Variants in PRKG1 observed in about 807,000 individuals in gnomAD.
PRKG1 encodes protein kinase cGMP-dependent 1, also known as cGMP-dependent protein kinase 1.
PRKG1 carries 35 observed loss-of-function variants against 88.1 expected under a neutral mutation model. The observed-to-expected ratio is 0.40, with a 90% CI of 0.30 to 0.53. The LOEUF is 0.53. Ranked by LOEUF, PRKG1 falls within the 20% of genes least tolerant of loss-of-function variation. The probability of loss-of-function intolerance (pLI) is 0.59; values close to 1 mark genes in which losing one functional copy is unlikely to be tolerated. For synonymous variants in PRKG1, 303 were observed against 292.5 expected (o/e 1.04, Z -0.37); for missense variants, 540 against 839.8 (o/e 0.64, Z 4.41).
chr10:51,449,823 A>AT (rs1469412523), intron 2 of PRKG1, among the ~76,000 whole-genome samples: 1 of 151,444 alleles, frequency 6.6e-6, no homozygotes, highest in Non-Finnish European at 1.5e-5. Context: ...TGGAAGTAGA[A>AT]TGCAAATTCC....
chr10:51,970,357 CT>C (rs2133088530), intron 5 of PRKG1, among the ~76,000 whole-genome samples: 1 of 151,750 alleles, frequency 6.6e-6, no homozygotes, highest in African/African-American at 2.4e-5. Flanking sequence ...TGTCATGTCT[CT>C]TTAACCTCTT....
At chr10:50,998,461 G>C (rs10761662) in intron 1 of PRKG1, among the ~76,000 whole-genome samples, 136,072 of 152,288 alleles carry the variant, frequency 0.89, 60,936 homozygotes, top group African/African-American at 0.95. Flanking sequence ...AAAATACATG[G>C]TTTAGGCTGG....
intron 2 of PRKG1, among the ~76,000 whole-genome samples, chr10:51,314,138 G>A (rs558046594): frequency 6.6e-5 from 10 of 152,278 alleles, no homozygotes; most frequent in African/African-American, 2.2e-4. Flanking sequence ...GTACATGTAT[G>A]TACATATTTA....
chr10:51,416,508 A>T (rs1335696340), intron 2 of PRKG1, among the ~76,000 whole-genome samples: 1 of 152,094 alleles, frequency 6.6e-6, no homozygotes, highest in African/African-American at 2.4e-5. Context: ...CTGGGTTTGA[A>T]CCCTGTCTCA....
intron 3 of PRKG1, among the ~76,000 whole-genome samples, chr10:51,618,169 G>A (rs1476716296): frequency 6.6e-6 from 1 of 152,312 alleles, no homozygotes; most frequent in African/African-American, 2.4e-5. Context: ...TGGCTTCAGA[G>A]ATTAAGGAAA....
intron 2 of PRKG1, among the ~76,000 whole-genome samples, chr10:51,229,925 T>G (rs1164523925): frequency 6.6e-5 from 1 of 15,258 alleles, no homozygotes; most frequent in Non-Finnish European, 1.0e-4. Context: ...TGAGGCGATC[T>G]CAAAAAAAAA....
chr10:51,425,857 T>C (rs2132715677), intron 2 of PRKG1, among the ~76,000 whole-genome samples: 1 of 152,302 alleles, frequency 6.6e-6, no homozygotes, highest in South Asian at 2.1e-4. Context: ...CAGCAGAAAA[T>C]GGACACTTTA....
chr10:51,216,329 A>G (rs752784909), intron 2 of PRKG1, among the ~76,000 whole-genome samples: 2 of 152,218 alleles, frequency 1.3e-5, no homozygotes, highest in Admixed American at 1.3e-4. Context: ...AAGCAATACT[A>G]TGGACACATG....
chr10:52,120,430 A>G (rs1044905857), intron 7 of PRKG1, among the ~76,000 whole-genome samples: 2 of 152,188 alleles, frequency 1.3e-5, no homozygotes, highest in Non-Finnish European at 2.9e-5. Context: ...TGAATCAGAT[A>G]TGGATGAGAC....
intron 3 of PRKG1, among the ~76,000 whole-genome samples, chr10:51,472,033 C>G (rs1840061694): frequency 6.6e-6 from 1 of 151,698 alleles, no homozygotes; most frequent in South Asian, 2.1e-4. Flanking sequence ...GCCTAAAAAG[C>G]CTACAAGAAA....
chr10:51,034,671 TATATATATATATA>T (rs1564576942), intron 1 of PRKG1, among the ~76,000 whole-genome samples: 1,739 of 44,408 alleles, frequency 0.039, 116 homozygotes, highest in African/African-American at 0.12. Flanking sequence ...ATGTTATTTA[TATATATATATATA>T]TATATATATA....
chr10:51,246,202 A>G (rs1839284904), intron 2 of PRKG1, among the ~76,000 whole-genome samples: 1 of 152,132 alleles, frequency 6.6e-6, no homozygotes, highest in Non-Finnish European at 1.5e-5. Flanking sequence ...ATTTGACATT[A>G]TCTTATAACA....
At chr10:52,120,849 C>T (rs1254140498) in intron 7 of PRKG1, among the ~76,000 whole-genome samples, 1 of 152,182 alleles carries the variant, frequency 6.6e-6, no homozygotes, top group African/African-American at 2.4e-5. Context: ...ACTCCTATGG[C>T]TCCACTAGGC....
chr10:52,139,242 C>A (rs1837508526), intron 8 of PRKG1, among the ~76,000 whole-genome samples: 1 of 152,038 alleles, frequency 6.6e-6, no homozygotes, highest in Admixed American at 6.6e-5. Context: ...TGTATAGAAC[C>A]AGCTCAATTA....
intron 3 of PRKG1, among the ~76,000 whole-genome samples, chr10:51,753,701 T>G (rs1589259021): frequency 6.6e-6 from 1 of 152,298 alleles, no homozygotes; most frequent in Middle Eastern, 3.4e-3. Context: ...CTATTCCAAC[T>G]GCACATAGTC....
upstream of PRKG1, among the ~76,000 whole-genome samples, chr10:51,070,077 C>G (rs1156830360): frequency 6.6e-6 from 1 of 152,110 alleles, no homozygotes; most frequent in Non-Finnish European, 1.5e-5. Flanking sequence ...ACACTCTTCT[C>G]TCTCTGGATA....
Position 51,032,379 on chromosome 10 carries a change from G to A in PRKG1, c.266+40735G>A, listed in dbSNP as rs111390798. ...TCATCTTTTTTTTTTTGCCCTTGTC[G>A]ATTTTTTAAACTTCTGAACTTTAAT... is the stretch of plus-strand genomic sequence containing the variant. On this transcript the variant is annotated intron_variant, in intron 1 of 17. Transcript: ENST00000401604. Among the ~76,000 whole-genome samples, 1,458 of 150,836 alleles carry A rather than the reference G, an allele frequency of 9.7e-3. 7 individuals are homozygous for A. The highest frequency in any genetic ancestry group is 0.015 in the Non-Finnish European group (1,014 of 67,746).
rs548851956 is a variant in PRKG1 at position 51,833,549 on chromosome 10, A to G, written c.698+28859A>G. On this transcript the variant is annotated intron_variant, in intron 4 of 17. Transcript: ENST00000373980. ...GAGCTGCATGGAAACGTGAATCTTT[A>G]TTTATTTTTATTTTTAATTGACAAA... Among the ~76,000 whole-genome samples, 33 of 152,256 alleles carry G rather than the reference A, an allele frequency of 2.2e-4. No individual in the cohort carries two copies. In the South Asian group the frequency reaches 6.0e-3, roughly 28 times the overall value.
chr10:51,835,814 C>T (rs1289129500), intron 4 of PRKG1, among the ~76,000 whole-genome samples: 1 of 152,160 alleles, frequency 6.6e-6, no homozygotes, highest in Non-Finnish European at 1.5e-5. Context: ...AACCTCCATA[C>T]TGTTTTCTAT....
Sources: allele counts gnomAD v4.1 joint callset (sites outside exome capture counted in the v4.1 genomes callset), GRCh38; gene constraint gnomAD v4.1.1; transcripts MANE v1.5; gene names NCBI Gene and HGNC (gene_info 2026-07-23, HGNC 2026-07-21).